DNAH2: variants seen among roughly 807,000 people sequenced by gnomAD.
DNAH2 encodes the protein axonemal beta dynein heavy chain 2.
DNAH2 carries 323 observed loss-of-function variants against 523.5 expected under a neutral mutation model. The observed-to-expected ratio is 0.62, with a 90% CI of 0.56 to 0.68. The LOEUF (loss-of-function observed/expected upper bound fraction) is 0.68. DNAH2 is among the 30% of genes least tolerant of loss of function. The pLI is 0.00. For synonymous variants in DNAH2, 2,093 were observed against 2,177.4 expected, an observed-to-expected ratio of 0.96 and a Z score of 1.08; for missense variants, 4,907 against 5,701.5, an observed-to-expected ratio of 0.86 and a Z score of 4.49.
At chr17:7,756,324 G>A (rs1008378066) in intron 12 of DNAH2, among the ~76,000 whole-genome samples, 4 of 151,824 alleles carry the variant, frequency 2.6e-5, no homozygotes, top group Non-Finnish European at 1.5e-5. Flanking sequence ...CACCCAGGCT[G>A]GAGGGCAGTG....
At chr17:7,765,037 G>A (rs971125044) in intron 20 of DNAH2, among the ~76,000 whole-genome samples, 4 of 152,032 alleles carry the variant, frequency 2.6e-5, no homozygotes, top group African/African-American at 7.2e-5. Context: ...GGGATCACAG[G>A]CGTGAGCCAC....
intron 56 of DNAH2, among the ~76,000 whole-genome samples, chr17:7,799,573 T>C (rs371771929): frequency 6.6e-6 from 1 of 152,016 alleles, no homozygotes; most frequent in African/African-American, 2.4e-5. Context: ...TCCCAACACT[T>C]TGGGAGGCCT....
intron 12 of DNAH2, among the ~76,000 whole-genome samples, chr17:7,744,552 G>A (rs1004873880): frequency 5.3e-5 from 8 of 152,162 alleles, no homozygotes; most frequent in African/African-American, 1.9e-4. Flanking sequence ...GGACAGGGAT[G>A]TTGGGAGCTG....
rs1466680704 is a variant in DNAH2 at position 7,760,957 on chromosome 17, G to A, written c.2978+25G>A. On this transcript the variant is annotated intron_variant, in intron 18 of 85. Coordinates refer to ENST00000572933, the MANE Select transcript of DNAH2 (RefSeq NM_020877.5). This position sits in a 1 kb window ranked among gnomAD's most constrained non-coding sequence, Gnocchi z 4.0. ...GGTGAGTGGTGAGGGTGGATTGAAA[G>A]TCTGTCTGTAGGAGGCACAGCACTG... 1.2e-6 allele frequency: 2 copies of A among 1,610,916 alleles called. No individual in the cohort carries two copies. The highest frequency in any genetic ancestry group is 1.7e-6 in the Non-Finnish European group (2 of 1,177,660).
intron 13 of DNAH2, among the ~76,000 whole-genome samples, chr17:7,757,998 G>T (rs1028998119): frequency 3.3e-5 from 5 of 152,108 alleles, no homozygotes; most frequent in Non-Finnish European, 7.4e-5. Flanking sequence ...TATAAATTTG[G>T]TGGGGACACA....
At chr17:7,829,017 C>CATT (rs1247545931) in intron 77 of DNAH2, among the ~76,000 whole-genome samples, 5 of 144,936 alleles carry the variant, frequency 3.4e-5, no homozygotes, top group South Asian at 2.2e-4. Context: ...CTCAAACATC[C>CATT]ATTATTATTA....
chr17:7,829,138 C>A (rs2078099811), intron 77 of DNAH2, among the ~76,000 whole-genome samples: 1 of 152,126 alleles, frequency 6.6e-6, no homozygotes, highest in African/African-American at 2.4e-5. Flanking sequence ...CCTCAGCCTC[C>A]CGAGTAGCTG....
At position 7,768,308 on chromosome 17, in the gene DNAH2, G is replaced by A. The variant is rs773247239; in HGVS notation, c.3941+41G>A. ...TGCTCCGGGGTGTCCACTCTGCCCCGCTGGCCTGCGCCACCACTTGGTCCC... is the reference window on the plus strand; with the variant it reads ...TGCTCCGGGGTGTCCACTCTGCCCCACTGGCCTGCGCCACCACTTGGTCCC... On this transcript the variant is annotated intron_variant, in intron 24 of 85. Coordinates refer to ENST00000572933, the MANE Select transcript of DNAH2 (RefSeq NM_020877.5). 8.1e-6 allele frequency: 13 copies of A among 1,604,504 alleles called. No homozygotes were observed. The South Asian group carries it at 8.8e-5, about 11-fold the overall frequency.
At chr17:7,775,062 C>A in intron 29 of DNAH2, 86 bp downstream of exon 29, 1 of 1,384,056 alleles carries the variant, frequency 7.2e-7, no homozygotes, top group Non-Finnish European at 1.0e-6. Context: ...CCCTGCCCTC[C>A]CAAAAGGAGG....
In DNAH2 at chr17:7,744,996, C is replaced by CTT. The variant is rs1048980024; in HGVS notation, c.1904+1866_1904+1867dup. The stretch of plus-strand genomic sequence containing the variant: ...ACACTAATGATCAATCTTTACATTT[C>CTT]TTTTTTTTTTTTTCTTGAGACAGAG... On this transcript the variant is annotated intron_variant, in intron 12 of 85. Transcript: ENST00000572933. Among the ~76,000 whole-genome samples the CTT allele has an allele frequency of 4.1e-5, 6 of 145,620 alleles. No homozygotes were observed. In the South Asian group the frequency reaches 6.6e-4, roughly 16 times the overall value.
At chr17:7,818,181 C>T in intron 68 of DNAH2, 85 bp downstream of exon 68, 2 of 1,597,272 alleles carry the variant, frequency 1.3e-6, no homozygotes, top group Non-Finnish European at 1.7e-6. Context: ...TCTTACCTGT[C>T]CCTCCATTCA....
In DNAH2 at chr17:7,817,830, T is replaced by C; in HGVS notation, c.10210T>C (p.Trp3404Arg). The change falls in exon 67 of 86, where the codon TGG becomes CGG. Residue 3404 changes from tryptophan to arginine, a missense_variant. Transcript: ENST00000572933. ...MIDPQAQALK[W>R]IKNMEGGQGL... ...CGACCCTCAGGCCCAGGCCCTGAAA[T>C]GGATTAAGAACATGGAAGGAGGCCA... 6.2e-7 allele frequency: 1 copy of C among 1,613,842 alleles called. No individual in the cohort carries two copies. Among genetic ancestry groups the C allele is most frequent in the Non-Finnish European group, 8.5e-7 (1 of 1,179,956 alleles).
At position 7,818,976 on chromosome 17, in the gene DNAH2, G is replaced by T. The variant is rs140765922; in HGVS notation, c.10728G>T (p.Leu3576=). 424 of 1,612,012 alleles carry T rather than the reference G, an allele frequency of 2.6e-4. 2 individuals carry two copies. The East Asian group carries it at 3.0e-3, about 12-fold the overall frequency. The change falls in exon 71 of 86, where the codon CTG becomes CTT. Residue 3576 remains leucine (L), a synonymous_variant. Transcript: ENST00000572933. Reference sequence around the variant, plus strand: ...ATGATGTGCAGCTGGTGAACACGCTGCATACCTCCAAGATCACAGCCACAG... The same window carrying T: ...ATGATGTGCAGCTGGTGAACACGCTTCATACCTCCAAGATCACAGCCACAG... ...LLDDVQLVNT[L]HTSKITATEV... is the part of the protein sequence containing the mutation.
At chr17:7,725,677 G>GCCCCCAC (rs1311357517) in intron 3 of DNAH2, among the ~76,000 whole-genome samples, 2 of 142,126 alleles carry the variant, frequency 1.4e-5, no homozygotes, top group African/African-American at 5.2e-5. Context: ...CCTGTGATTC[G>GCCCCCAC]CCCCCACCCC....
chr17:7,764,714 G>A lies in DNAH2; in HGVS notation c.3336+441G>A, dbSNP rs181004452. 2.3e-3 allele frequency among the ~76,000 whole-genome samples: 340 copies of A among 150,366 alleles called. 2 individuals are homozygous for A. Among genetic ancestry groups the A allele is most frequent in the African/African-American group, 8.2e-3 (334 of 40,812 alleles). ...TGAACTCAAGCAATCTGCTGACCTCGGCCTCCCAAAGTGCTGGGATTACAG... is the reference window on the plus strand; with the variant it reads ...TGAACTCAAGCAATCTGCTGACCTCAGCCTCCCAAAGTGCTGGGATTACAG... On this transcript the variant is annotated intron_variant, in intron 20 of 85. Coordinates refer to ENST00000572933, the MANE Select transcript of DNAH2 (RefSeq NM_020877.5).
In DNAH2 at chr17:7,773,622, T is replaced by C. The variant is rs543733779; in HGVS notation, c.4502-1137T>C. Among the ~76,000 whole-genome samples the C allele has an allele frequency of 2.6e-5, 4 of 152,336 alleles. No individual in the cohort carries two copies. In the South Asian group the frequency reaches 8.3e-4, roughly 32 times the overall value. ...TCTTTCCATCTTAACTAAGCACTTA[T>C]TACGCACTGAGGCTGTAACTTTTGC... is the stretch of plus-strand genomic sequence containing the variant. On this transcript the variant is annotated intron_variant, in intron 28 of 85. Coordinates refer to ENST00000572933, the MANE Select transcript of DNAH2 (RefSeq NM_020877.5).
At position 7,807,164 on chromosome 17, in the gene DNAH2, A is replaced by C. The variant is rs1490332405; in HGVS notation, c.9457A>C (p.Ile3153Leu). The C allele has an allele frequency of 1.2e-6, 2 of 1,607,472 alleles. No homozygotes were observed. The highest frequency in any genetic ancestry group is 1.1e-5 in the South Asian group (1 of 91,088). Residue 3153 changes from isoleucine to leucine, a missense_variant, in exon 62 of 86, where the codon ATC becomes CTC. Ile to Leu is a conservative substitution (Grantham distance 5). Around this residue, in one of 3 missense-constraint regions of DNAH2, gnomAD observed 1,851 missense variants for 2,139.4 expected, o/e 0.87. Coordinates refer to ENST00000572933, the MANE Select transcript of DNAH2 (RefSeq NM_020877.5). This position sits in a 1 kb window ranked among gnomAD's most constrained non-coding sequence, Gnocchi z 5.6. Reference protein sequence around the residue: ...AKRQLGEQNFIKSLINFDKDN... With the variant: ...AKRQLGEQNFLKSLINFDKDN... ...TCATCCCACAGGGGAACAGAACTTCATCAAGTCACTGATCAACTTTGATAA... is the reference window on the plus strand; with the variant it reads ...TCATCCCACAGGGGAACAGAACTTCCTCAAGTCACTGATCAACTTTGATAA...
Position 7,787,907 on chromosome 17 carries a change from C to T in DNAH2, c.6651C>T (p.Ala2217=), listed in dbSNP as rs900021882. The part of the protein sequence containing the change: ...EVEDLAMASP[A]TVSRCGMVYT... Reference sequence around the variant, plus strand: ...AGGACCTGGCAATGGCCTCTCCGGCCACTGTATCCCGCTGCGGGATGGTCT... The same window carrying T: ...AGGACCTGGCAATGGCCTCTCCGGCTACTGTATCCCGCTGCGGGATGGTCT... Residue 2217 remains alanine (A), a synonymous_variant, in exon 43 of 86, where the codon GCC becomes GCT. Transcript: ENST00000572933. 2.5e-6 allele frequency: 4 copies of T among 1,613,992 alleles called. No individual in the cohort carries two copies. Among genetic ancestry groups the T allele is most frequent in the Non-Finnish European group, 8.5e-7 (1 of 1,179,996 alleles).
chr17:7,798,384 G>T lies in DNAH2; in HGVS notation c.8398+60G>T. 2 of 1,557,746 alleles carry T rather than the reference G, an allele frequency of 1.3e-6. No homozygotes were observed. The highest frequency in any genetic ancestry group is 1.2e-5 in the South Asian group (1 of 83,002). ...GATCAGATGCATACATTCCTGCAGT[G>T]ACAAGAGAGGAGAGATGGCAGCCAG... On this transcript the variant is annotated intron_variant, in intron 54 of 85. Transcript: ENST00000572933. The surrounding 1 kb of genome is among the most constrained non-coding windows in gnomAD (Gnocchi z 5.5).
Sources: gnomAD v4.1 joint callset for allele counts (sites outside exome capture counted in the v4.1 genomes callset) on GRCh38, gnomAD v4.1.1 for gene constraint, gnomAD v4.1.1 regional missense constraint, Gnocchi (gnomAD v3.1) non-coding constraint, MANE v1.5 for transcripts, NCBI Gene and HGNC (gene_info 2026-07-23, HGNC 2026-07-21) for gene names.